The following ALPI variants were observed in gnomAD, a reference collection of about 807,000 sequenced individuals.
ALPI encodes the protein alkaline phosphatase, intestinal.
ALPI carries 50 observed loss-of-function variants against 51.5 expected under a neutral mutation model. That is an observed-to-expected ratio of 0.97 (90% confidence interval 0.77 to 1.23). The LOEUF (loss-of-function observed/expected upper bound fraction) is 1.23. Among genes scored for constraint, ALPI ranks in the 50% most tolerant of loss-of-function variants. The pLI is 0.00. For missense variants in ALPI, 692 were observed against 722.4 expected (o/e 0.96, Z 0.48); for synonymous variants, 322 against 308.2 (o/e 1.04, Z -0.47).
intron 9 of ALPI, 99 bp from the exon 10 acceptor site, chr2:232,458,533 C>T (rs1190218443): frequency 6.6e-6 from 10 of 1,523,162 alleles, no homozygotes; most frequent in Middle Eastern, 1.8e-4. Context: ...TTGTGAGGAC[C>T]GAGCCCCCGA....
rs1690244277 is a variant in ALPI at position 232,458,514 on chromosome 2, A to G, written c.1183+106A>G. 9.2e-6 allele frequency: 14 copies of G among 1,527,426 alleles called. No individual in the cohort carries two copies. The South Asian group carries it at 1.6e-4, about 17-fold the overall frequency. The allele number at this position is 1,527,426 out of a possible 1,614,324, so 94.6% of individuals were successfully genotyped here. A position where few individuals can be genotyped will look rare whatever the true frequency, so the allele number is the denominator to read the frequency against. ...AGTGTGCAATGCTGGCACCAGCCCT[A>G]TAGGGATCTTGTGAGGACCGAGCCC... On this transcript the variant is annotated intron_variant, in intron 9 of 10. Coordinates refer to ENST00000295463, the MANE Select transcript of ALPI (RefSeq NM_001631.5).
chr2:232,457,731 G>A lies in ALPI; in HGVS notation c.783+32G>A, dbSNP rs1559264316. ...GGGGCTGGTGGGTGTGGGAGGCACG[G>A]CAGGGGGAGGCCAAGTGTGTGGGTC... On this transcript the variant is annotated intron_variant, in intron 6 of 10. Coordinates refer to ENST00000295463, the MANE Select transcript of ALPI (RefSeq NM_001631.5). The surrounding 1 kb of genome is among the most constrained non-coding windows in gnomAD (Gnocchi z 4.7). The A allele has an allele frequency of 6.2e-7, 1 of 1,610,560 alleles. No homozygotes were observed.
In ALPI at chr2:232,457,816, C is replaced by G. The variant is rs750269899; in HGVS notation, c.805C>G (p.Arg269Gly). The G allele has an allele frequency of 6.2e-7, 1 of 1,614,044 alleles. No homozygotes were observed. The highest frequency in any genetic ancestry group is 8.5e-7 in the Non-Finnish European group (1 of 1,179,988). The change falls in exon 7 of 11, where the codon CGC becomes GGC. Residue 269 changes from arginine to glycine, a missense_variant. By Grantham distance (125) the Arg-to-Gly change is moderately radical. Coordinates refer to ENST00000295463, the MANE Select transcript of ALPI (RefSeq NM_001631.5). The surrounding 1 kb of genome is among the most constrained non-coding windows in gnomAD (Gnocchi z 4.7). ...GCAGGGTGCCTGGTATGTGTGGAAC[C>G]GCACTGAGCTCATGCAGGCGTCCCT... is the stretch of plus-strand genomic sequence containing the variant. The part of the protein sequence containing the change: ...KHQGAWYVWN[R>G]TELMQASLDQ...
chr2:232,460,214 G>A lies in ALPI; in HGVS notation c.*1068G>A, dbSNP rs790052. On this transcript the variant is annotated 3_prime_UTR_variant, in exon 11 of 11. Coordinates refer to ENST00000295463, the MANE Select transcript of ALPI (RefSeq NM_001631.5). ...AAACGCCCTGGGGCAGTGTCAGCAG[G>A]TGCTCTGGGAGGCCAAGGGCTGGAT... Among the ~76,000 whole-genome samples, 1,421 of 149,396 alleles carry A rather than the reference G, an allele frequency of 9.5e-3. 7 individuals are homozygous for A. Among genetic ancestry groups the A allele is most frequent in the Non-Finnish European group, 0.015 (1,037 of 67,520 alleles).
At position 232,456,907 on chromosome 2, in the gene ALPI, T is replaced by A; in HGVS notation, c.309T>A (p.Asn103Lys). The A allele has an allele frequency of 6.2e-7, 1 of 1,613,384 alleles. No individual in the cohort carries two copies. The highest frequency in any genetic ancestry group is 2.2e-5 in the East Asian group (1 of 44,868). The change falls in exon 4 of 11, where the codon AAT becomes AAA. Residue 103 changes from asparagine to lysine, a missense_variant. By Grantham distance (94) the Asn-to-Lys change is moderately conservative (BLOSUM62 0). Transcript: ENST00000295463. The surrounding 1 kb of genome is among the most constrained non-coding windows in gnomAD (Gnocchi z 4.2). ...GGTGTCTCCGTTCGCAGACATACAA[T>A]GTGGACAGACAGGTGCCAGACAGCG... ...FPYLALSKTYNVDRQVPDSAA... is the reference protein window; with the variant it reads ...FPYLALSKTYKVDRQVPDSAA...
In ALPI at chr2:232,458,877, C is replaced by T. The variant is rs1690251967; in HGVS notation, c.1318C>T (p.Gln440Ter). The change falls in exon 11 of 11, where the codon CAG becomes TAG. Residue 440 changes from glutamine (Q) to a stop codon, truncating the protein, a stop_gained. Coordinates refer to ENST00000295463, the MANE Select transcript of ALPI (RefSeq NM_001631.5). LOFTEE classifies it low-confidence loss of function (END_TRUNC). ...ESESGSPDYQ[Q>*]QAAVPLSSET... ...CCTACCAGGGAGCCCCGATTACCAG[C>T]AGCAGGCGGCGGTGCCCCTGTCGTC... 1 of 1,610,358 alleles carries T rather than the reference C, an allele frequency of 6.2e-7. No homozygotes were observed. Among genetic ancestry groups the T allele is most frequent in the Non-Finnish European group, 8.5e-7 (1 of 1,178,890 alleles).
chr2:232,458,654 G>A lies in ALPI; in HGVS notation c.1206G>A (p.Gln402=). The A allele has an allele frequency of 6.2e-7, 1 of 1,613,978 alleles. No homozygotes were observed. Among genetic ancestry groups the A allele is most frequent in the Non-Finnish European group, 8.5e-7 (1 of 1,180,014 alleles). The change falls in exon 10 of 11, where the codon CAG becomes CAA. Residue 402 remains glutamine (Q), a synonymous_variant. Transcript: ENST00000295463. ...SIFGLAPSKA[Q]DSKAYTSILY... ...CAGGGTTGGCCCCCAGCAAGGCTCAGGACAGCAAAGCCTACACGTCCATCC... is the reference window on the plus strand; with the variant it reads ...CAGGGTTGGCCCCCAGCAAGGCTCAAGACAGCAAAGCCTACACGTCCATCC...
rs1218453880 is a variant in ALPI at position 232,460,655 on chromosome 2, C to T, written c.*1509C>T. Among the ~76,000 whole-genome samples the T allele has an allele frequency of 6.6e-6, 1 of 152,094 alleles. No individual in the cohort carries two copies. The highest frequency in any genetic ancestry group is 1.5e-5 in the Non-Finnish European group (1 of 68,012). On this transcript the variant is annotated 3_prime_UTR_variant, in exon 11 of 11. Coordinates refer to ENST00000295463, the MANE Select transcript of ALPI (RefSeq NM_001631.5). ...ATTTATTTGTACATTTACAAAGGTGCAAAAAAGCATCTTGCTTTTGCAAGA... is the reference window on the plus strand; with the variant it reads ...ATTTATTTGTACATTTACAAAGGTGTAAAAAAGCATCTTGCTTTTGCAAGA...
In ALPI at chr2:232,460,052, G is replaced by A. The variant is rs891040763; in HGVS notation, c.*906G>A. 1 of 152,288 alleles carries A rather than the reference G, an allele frequency of 6.6e-6. No homozygotes were observed. Among genetic ancestry groups the A allele is most frequent in the African/African-American group, 2.4e-5 (1 of 41,456 alleles). 9.4% of individuals were successfully genotyped at this position (152,288 alleles called of 1,614,324 possible). On this transcript the variant is annotated 3_prime_UTR_variant, in exon 11 of 11. Coordinates refer to ENST00000295463, the MANE Select transcript of ALPI (RefSeq NM_001631.5). Reference sequence around the variant, plus strand: ...ATGTAATGCCAGTACTACTTCCTAGGAGAAAAATCATGAGTGAGTGTGGGC... The same window carrying A: ...ATGTAATGCCAGTACTACTTCCTAGAAGAAAAATCATGAGTGAGTGTGGGC...
In ALPI at chr2:232,457,321, A is replaced by T; in HGVS notation, c.647A>T (p.Asp216Val). The change falls in exon 5 of 11, where the codon GAC becomes GTC. Residue 216 changes from aspartate (D) to valine (V), a missense_variant and splice_region_variant. Coordinates refer to ENST00000295463, the MANE Select transcript of ALPI (RefSeq NM_001631.5). The surrounding 1 kb of genome is among the most constrained non-coding windows in gnomAD (Gnocchi z 4.7). ...ATQLISNMDIDVILGGGRKYM... is the reference protein window; with the variant it reads ...ATQLISNMDIVVILGGGRKYM... ...CAGCTCATCTCCAACATGGACATTGACGTGCGACCCCCGGGCCAAGGGCTG... is the reference window on the plus strand; with the variant it reads ...CAGCTCATCTCCAACATGGACATTGTCGTGCGACCCCCGGGCCAAGGGCTG... 6.2e-7 allele frequency: 1 copy of T among 1,603,004 alleles called. No homozygotes were observed. Among genetic ancestry groups the T allele is most frequent in the Non-Finnish European group, 8.5e-7 (1 of 1,174,400 alleles).
rs557976108 is a variant in ALPI, at chr2:232,460,357, G to A, written c.*1211G>A. Among the ~76,000 whole-genome samples the A allele has an allele frequency of 4.1e-3, 619 of 152,036 alleles. 9 individuals are homozygous for A. Among genetic ancestry groups the A allele is most frequent in the African/African-American group, 0.014 (599 of 41,416 alleles). Reference sequence around the variant, plus strand: ...GGTGTGGTTGGAGGTCTTTGAGGAGGGCTGTGACCTGCCCTGGTTGGGAAA... The same window carrying A: ...GGTGTGGTTGGAGGTCTTTGAGGAGAGCTGTGACCTGCCCTGGTTGGGAAA... On this transcript the variant is annotated 3_prime_UTR_variant, in exon 11 of 11. Transcript: ENST00000295463.
In ALPI at chr2:232,456,367, C is replaced by A. The variant is rs1337534355; in HGVS notation, c.86C>A (p.Ala29Asp). 8 of 1,613,918 alleles carry A rather than the reference C, an allele frequency of 5.0e-6. No homozygotes were observed. In the Admixed American group the frequency reaches 1.0e-4, roughly 20 times the overall value. The change falls in exon 2 of 11, where the codon GCC becomes GAC. Residue 29 changes from alanine (A) to aspartate (D), a missense_variant. Physicochemically the swap from Ala to Asp is moderately radical, Grantham distance 126 (BLOSUM62 -2). Coordinates refer to ENST00000295463, the MANE Select transcript of ALPI (RefSeq NM_001631.5). The surrounding 1 kb of genome is among the most constrained non-coding windows in gnomAD (Gnocchi z 4.2). Reference sequence around the variant, plus strand: ...TGGCCAGCTGAGGAGGAGAACCCGGCCTTCTGGAACCGCCAGGCAGCTGAG... The same window carrying A: ...TGGCCAGCTGAGGAGGAGAACCCGGACTTCTGGAACCGCCAGGCAGCTGAG... ...GVIPAEEENP[A>D]FWNRQAAEAL...
rs1171539634 is a variant in ALPI, at chr2:232,456,628, A to G, written c.233A>G (p.Lys78Arg). Residue 78 changes from lysine (K) to arginine (R), a missense_variant, in exon 3 of 11, where the codon AAG becomes AGG. Coordinates refer to ENST00000295463, the MANE Select transcript of ALPI (RefSeq NM_001631.5). This position sits in a 1 kb window ranked among gnomAD's most constrained non-coding sequence, Gnocchi z 4.2. The part of the protein sequence containing the change: ...VTATRILKGQ[K>R]NGKLGPETPL... The stretch of plus-strand genomic sequence containing the variant: ...GCCACCAGGATCCTAAAGGGGCAGA[A>G]GAATGGCAAACTGGGGCCTGAGACG... 6.2e-7 allele frequency: 1 copy of G among 1,613,378 alleles called. No homozygotes were observed. Among genetic ancestry groups the G allele is most frequent in the East Asian group, 2.2e-5 (1 of 44,828 alleles).
rs1285892889 is a variant in ALPI at position 232,458,862 on chromosome 2, AG to A, written c.1304del (p.Ser435ThrfsTer43). On this transcript the variant is annotated frameshift_variant, in exon 11 of 11. Transcript: ENST00000295463. LOFTEE classifies it low-confidence loss of function (END_TRUNC). The stretch of plus-strand genomic sequence containing the variant: ...AAGTGCACTCACCCTCCTACCAGGG[AG>A]CCCCGATTACCAGCAGCAGGCGGCG... ...RPDVNESESGSPDYQQQAAVP... is the reference protein window; with the variant it reads ...RPDVNESESGXPDYQQQAAVP... 6 of 1,610,160 alleles carry A rather than the reference AG, an allele frequency of 3.7e-6. No individual in the cohort carries two copies. Among genetic ancestry groups the A allele is most frequent in the Middle Eastern group, 1.7e-4 (1 of 6,052 alleles).
chr2:232,457,373 A>G lies in ALPI; in HGVS notation c.648+51A>G. The G allele has an allele frequency of 6.4e-7, 1 of 1,568,620 alleles. No individual in the cohort carries two copies. Among genetic ancestry groups the G allele is most frequent in the Non-Finnish European group, 8.6e-7 (1 of 1,157,466 alleles). On this transcript the variant is annotated intron_variant, in intron 5 of 10. Coordinates refer to ENST00000295463, the MANE Select transcript of ALPI (RefSeq NM_001631.5). The surrounding 1 kb of genome is among the most constrained non-coding windows in gnomAD (Gnocchi z 4.7). ...GGCTGGGCAGAGGGGAAGGTGGCAC[A>G]GGCTCAGATCCAGGCAACCAAAAGC... is the stretch of plus-strand genomic sequence containing the variant.
Position 232,458,327 on chromosome 2 carries a change from G to T in ALPI, c.1102G>T (p.Asp368Tyr). Residue 368 changes from aspartate to tyrosine, a missense_variant, in exon 9 of 11, where the codon GAC becomes TAC. By Grantham distance (160) the Asp-to-Tyr change is radical (BLOSUM62 -3). Transcript: ENST00000295463. The part of the protein sequence containing the change: ...ERAGQLTSEE[D>Y]TLTLVTADHS... ...GGCGGGCCAGCTCACCAGCGAGGAG[G>T]ACACGCTGACCCTCGTCACCGCTGA... 6.2e-7 allele frequency: 1 copy of T among 1,614,164 alleles called. No individual in the cohort carries two copies. Among genetic ancestry groups the T allele is most frequent in the South Asian group, 1.1e-5 (1 of 91,084 alleles).
Position 232,458,201 on chromosome 2 carries a change from T to C in ALPI, c.992-16T>C. On this transcript the variant is annotated splice_polypyrimidine_tract_variant and intron_variant, in intron 8 of 10. Coordinates refer to ENST00000295463, the MANE Select transcript of ALPI (RefSeq NM_001631.5). ...AGGGCAGGTTCAAGCATCACCCCCCTCTGGCCTTCCTGCAGGCGGCCGCAT... is the reference window on the plus strand; with the variant it reads ...AGGGCAGGTTCAAGCATCACCCCCCCCTGGCCTTCCTGCAGGCGGCCGCAT... 1 of 1,613,856 alleles carries C rather than the reference T, an allele frequency of 6.2e-7. No individual in the cohort carries two copies.
At position 232,456,191 on chromosome 2, in the gene ALPI, C is replaced by G; in HGVS notation, c.-9C>G. ...CCCCACTTCGCCTCCCTCCTGCTGC[C>G]CCCAAGACATGCAGGGGCCCTGGGT... On this transcript the variant is annotated 5_prime_UTR_variant, in exon 1 of 11. Transcript: ENST00000295463. The surrounding 1 kb of genome is among the most constrained non-coding windows in gnomAD (Gnocchi z 4.2). 6.2e-7 allele frequency: 1 copy of G among 1,613,088 alleles called. No homozygotes were observed. Among genetic ancestry groups the G allele is most frequent in the Non-Finnish European group, 8.5e-7 (1 of 1,179,960 alleles).
Position 232,459,218 on chromosome 2 carries a change from C to T in ALPI, c.*72C>T. The T allele has an allele frequency of 6.8e-7, 1 of 1,473,886 alleles. No individual in the cohort carries two copies. Among genetic ancestry groups the T allele is most frequent in the Non-Finnish European group, 9.0e-7 (1 of 1,115,976 alleles). 91.3% of individuals were successfully genotyped at this position (1,473,886 alleles called of 1,614,324 possible). A position where few individuals can be genotyped will look rare whatever the true frequency, so the allele number is the denominator to read the frequency against. ...CCCTGTTCCCCGTCCTGAGCCGCCA[C>T]TTCCAGCGAACACACACAGGTGTCC... On this transcript the variant is annotated 3_prime_UTR_variant, in exon 11 of 11. Coordinates refer to ENST00000295463, the MANE Select transcript of ALPI (RefSeq NM_001631.5).
Sources: gnomAD v4.1 joint callset for allele counts (sites outside exome capture counted in the v4.1 genomes callset) on GRCh38, gnomAD v4.1.1 for gene constraint, Gnocchi (gnomAD v3.1) non-coding constraint, MANE v1.5 for transcripts, NCBI Gene and HGNC (gene_info 2026-07-23, HGNC 2026-07-21) for gene names.